CELF2: variants seen among roughly 807,000 people sequenced by gnomAD.
The protein encoded by CELF2 is CUG triplet repeat RNA-binding protein 2.
Under a neutral mutation model 62.6 loss-of-function variants are expected in CELF2, and 8 were observed. The ratio of observed to expected loss-of-function variants is 0.13; its 90% CI spans 0.07 to 0.23. The LOEUF is 0.23. CELF2 is among the 10% of genes least tolerant of loss of function. The probability of loss-of-function intolerance (pLI) is 1.00; values close to 1 mark genes in which losing one functional copy is unlikely to be tolerated. For synonymous variants in CELF2, 258 were observed against 250.0 expected, an observed-to-expected ratio of 1.03 and a Z score of -0.30; for missense variants, 333 against 671.0, an observed-to-expected ratio of 0.50 and a Z score of 5.56.
intron 1 of CELF2, among the ~76,000 whole-genome samples, chr10:10,908,368 T>C (rs1044458947): frequency 2.0e-5 from 3 of 151,788 alleles, no homozygotes; most frequent in South Asian, 2.1e-4. Context: ...TACAGGCGCC[T>C]GCCACCACGC....
intron 1 of CELF2, among the ~76,000 whole-genome samples, chr10:10,829,686 C>T (rs906642262): frequency 6.6e-6 from 1 of 152,092 alleles, no homozygotes; most frequent in Non-Finnish European, 1.5e-5. Flanking sequence ...CTAGTAAAAG[C>T]TTTAGCATGT....
At chr10:10,616,906 A>C in the CELF2 span, among the ~76,000 whole-genome samples, 3 of 151,928 alleles carry the variant, frequency 2.0e-5, no homozygotes, top group Admixed American at 6.6e-5. Flanking sequence ...ACAGGCATGC[A>C]CCATTACGCC....
At chr10:10,712,147 CAAAAAAAAAA>C in the CELF2 span, among the ~76,000 whole-genome samples, 216 of 43,422 alleles carry the variant, frequency 5.0e-3, no homozygotes, top group African/African-American at 0.013. Context: ...AGGATAGAGA[CAAAAAAAAAA>C]AAAAAAAAAA....
intron 2 of CELF2, chr10:10,946,996 A>G (rs1314998677): frequency 6.6e-6 from 1 of 152,230 alleles, no homozygotes; most frequent in Admixed American, 6.5e-5. Context: ...GAGTTGTTGC[A>G]TTAAGGTCGA....
At chr10:11,327,123 C>G (rs1434725106) in intron 12 of CELF2, among the ~76,000 whole-genome samples, 2 of 136,158 alleles carry the variant, frequency 1.5e-5, no homozygotes, top group Non-Finnish European at 1.5e-5. Context: ...ACCCATTCGG[C>G]GGCTGCTGTG....
chr10:10,678,031 C>T, the CELF2 span, among the ~76,000 whole-genome samples: 1 of 152,118 alleles, frequency 6.6e-6, no homozygotes, highest in Non-Finnish European at 1.5e-5. Context: ...TATTACTCTG[C>T]CTGAGCAGAC....
chr10:10,823,293 A>G (rs1466075614), intron 1 of CELF2, among the ~76,000 whole-genome samples: 1 of 152,236 alleles, frequency 6.6e-6, no homozygotes, highest in South Asian at 2.1e-4. Context: ...AAAATTCCGT[A>G]TCTGAACATT....
the CELF2 span, among the ~76,000 whole-genome samples, chr10:10,704,965 G>A: frequency 4.6e-5 from 7 of 151,718 alleles, no homozygotes; most frequent in Non-Finnish European, 8.8e-5. Flanking sequence ...AAGGTGGAAG[G>A]ATCCCTTGAG....
chr10:10,799,055 G>A (rs1000684725), intron 1 of CELF2, among the ~76,000 whole-genome samples: 31 of 152,196 alleles, frequency 2.0e-4, no homozygotes, highest in African/African-American at 7.2e-4. Context: ...TTGGCAATGA[G>A]GGAGGACAGT....
At position 11,306,385 on chromosome 10, in the gene CELF2, A is replaced by G. The variant is rs1190965997; in HGVS notation, c.977-7754A>G. Among the ~76,000 whole-genome samples, 2 of 152,106 alleles carry G rather than the reference A, an allele frequency of 1.3e-5. No homozygotes were observed. Among genetic ancestry groups the G allele is most frequent in the Admixed American group, 1.3e-4 (2 of 15,272 alleles). ...AATGCAGATGGTTGTCCGAGGCAGC[A>G]TCTTGCCAGCCTGCCAGCACAGAAA... On this transcript the variant is annotated intron_variant, in intron 9 of 12. Coordinates refer to ENST00000633077, the MANE Select transcript of CELF2 (RefSeq NM_001326342.2). This position sits in a 1 kb window ranked among gnomAD's most constrained non-coding sequence, Gnocchi z 4.4.
the CELF2 span, among the ~76,000 whole-genome samples, chr10:10,624,599 C>G: frequency 6.6e-6 from 1 of 152,194 alleles, no homozygotes; most frequent in Non-Finnish European, 1.5e-5. Context: ...TGAGCCACCA[C>G]GCCCAGCATC....
At chr10:10,592,211 G>A in the CELF2 span, among the ~76,000 whole-genome samples, 1 of 152,178 alleles carries the variant, frequency 6.6e-6, no homozygotes, top group African/African-American at 2.4e-5. Context: ...CTGTTCCCAA[G>A]AGCCTCAGGA....
intron 1 of CELF2, among the ~76,000 whole-genome samples, chr10:10,872,132 T>C (rs1172370031): frequency 6.6e-6 from 1 of 152,204 alleles, no homozygotes; most frequent in East Asian, 1.9e-4. Context: ...CTTCCCCATG[T>C]GGGTATTTGC....
At position 11,309,051 on chromosome 10, in the gene CELF2, A is replaced by AT. The variant is rs975425669; in HGVS notation, c.977-5082dup. On this transcript the variant is annotated intron_variant, in intron 9 of 12. Coordinates refer to ENST00000633077, the MANE Select transcript of CELF2 (RefSeq NM_001326342.2). This position sits in a 1 kb window ranked among gnomAD's most constrained non-coding sequence, Gnocchi z 5.6. ...TTACACTTATAATCCTTTAGGCATG[A>AT]TTTTTTAGATTGTTATCATATTTAT... Among the ~76,000 whole-genome samples, 2 of 152,138 alleles carry AT rather than the reference A, an allele frequency of 1.3e-5. No homozygotes were observed. The highest frequency in any genetic ancestry group is 2.9e-5 in the Non-Finnish European group (2 of 68,016).
At chr10:10,712,499 A>G in the CELF2 span, among the ~76,000 whole-genome samples, 8 of 152,202 alleles carry the variant, frequency 5.3e-5, no homozygotes, top group Non-Finnish European at 1.2e-4. Context: ...AAATATTGCA[A>G]GGTTTATAGG....
intron 1 of CELF2, among the ~76,000 whole-genome samples, chr10:10,891,576 T>A (rs4747883): frequency 0.35 from 52,745 of 151,854 alleles, 10,843 homozygotes; most frequent in East Asian, 0.68. Context: ...ACGAACAAAC[T>A]GCTGCTCAGA....
At chr10:11,301,736 C>G (rs1011767655) in intron 9 of CELF2, among the ~76,000 whole-genome samples, 1 of 151,346 alleles carries the variant, frequency 6.6e-6, no homozygotes, top group African/African-American at 2.4e-5. Flanking sequence ...CAGCAACTGG[C>G]TTTACCCACT....
intron 7 of CELF2, 106 bp from the exon 8 acceptor site, chr10:11,274,951 G>A: frequency 9.3e-7 from 1 of 1,071,638 alleles, no homozygotes; most frequent in Non-Finnish European, 1.4e-6. Flanking sequence ...GTAGGGAGTA[G>A]CAACCAACCC....
chr10:11,057,668 C>T (rs1411573787), intron 1 of CELF2, among the ~76,000 whole-genome samples: 1 of 152,102 alleles, frequency 6.6e-6, no homozygotes, highest in African/African-American at 2.4e-5. Flanking sequence ...CGATGAAGTA[C>T]TTGAAGCTGG....
Sources: gnomAD v4.1 joint callset for allele counts (sites outside exome capture counted in the v4.1 genomes callset) on GRCh38, gnomAD v4.1.1 for gene constraint, Gnocchi (gnomAD v3.1) non-coding constraint, MANE v1.5 for transcripts, NCBI Gene and HGNC (gene_info 2026-07-23, HGNC 2026-07-21) for gene names.